FYB1: variants seen among roughly 807,000 people sequenced by gnomAD.
The protein encoded by FYB1 is FYN binding protein 1, also known as FYN-binding protein 1.
Under a neutral mutation model 94.1 loss-of-function variants are expected in FYB1, and 41 were observed. The observed-to-expected ratio is 0.44, with a 90% confidence interval of 0.34 to 0.57. FYB1 has a LOEUF of 0.57. Ranked by LOEUF, FYB1 falls within the 20% of genes least tolerant of loss-of-function variation. The probability of loss-of-function intolerance (pLI) is 0.02; values close to 1 mark genes in which losing one functional copy is unlikely to be tolerated. For missense variants in FYB1, 1,050 were observed against 976.8 expected, an observed-to-expected ratio of 1.07 and a Z score of -1.00; for synonymous variants, 367 against 353.2, an observed-to-expected ratio of 1.04 and a Z score of -0.44.
At chr5:39,182,057 A>G (rs2150426713) in intron 2 of FYB1, among the ~76,000 whole-genome samples, 1 of 152,152 alleles carries the variant, frequency 6.6e-6, no homozygotes, top group African/African-American at 2.4e-5. Context: ...CTTCCCAAAC[A>G]TCAAAACCTC....
chr5:39,204,085 C>T (rs1748621994), intron 1 of FYB1, among the ~76,000 whole-genome samples: 1 of 152,178 alleles, frequency 6.6e-6, no homozygotes, highest in Non-Finnish European at 1.5e-5. Context: ...TCATCCCCCA[C>T]CTTTCATTGC....
intron 2 of FYB1, among the ~76,000 whole-genome samples, chr5:39,187,633 G>A (rs1436136017): frequency 6.6e-6 from 1 of 152,174 alleles, no homozygotes. Context: ...TGGGCAGGTG[G>A]GAAGGGGTAT....
intron 2 of FYB1, among the ~76,000 whole-genome samples, chr5:39,163,423 A>C (rs546699492): frequency 5.3e-5 from 8 of 152,346 alleles, no homozygotes; most frequent in African/African-American, 1.9e-4. Context: ...GAAGAGGTAG[A>C]GATCAAAACA....
At chr5:39,218,047 A>C (rs1450427287) in intron 1 of FYB1, among the ~76,000 whole-genome samples, 1 of 152,222 alleles carries the variant, frequency 6.6e-6, no homozygotes, top group Non-Finnish European at 1.5e-5. Flanking sequence ...GCGAGCTTCC[A>C]AGCCTCTGGA....
At chr5:39,226,976 T>TATATATGAGGCAAAA (rs1385384494) in intron 1 of FYB1, among the ~76,000 whole-genome samples, 12 of 152,326 alleles carry the variant, frequency 7.9e-5, no homozygotes, top group African/African-American at 2.9e-4. Flanking sequence ...AAAGCTATAT[T>TATATATGAGGCAAAA]GACTACACAT....
intron 2 of FYB1, chr5:39,170,273 C>T (rs1745130540): frequency 7.4e-7 from 1 of 1,343,290 alleles, no homozygotes; most frequent in Non-Finnish European, 1.0e-6. Context: ...GTTGCAGCCC[C>T]TTGATCAACT....
chr5:39,250,835 C>T (rs546074221), intron 1 of FYB1: 1 of 152,068 alleles, frequency 6.6e-6, no homozygotes, highest in East Asian at 1.9e-4. Flanking sequence ...ATTCTGATTT[C>T]AGGATAAGGA....
intron 2 of FYB1, among the ~76,000 whole-genome samples, chr5:39,161,456 G>A (rs1008044418): frequency 1.3e-5 from 2 of 152,142 alleles, no homozygotes; most frequent in Admixed American, 6.5e-5. Context: ...AGTTTCTTAG[G>A]TATATTTCAA....
intron 9 of FYB1, among the ~76,000 whole-genome samples, chr5:39,132,357 G>T (rs6887349): frequency 0.16 from 23,738 of 152,126 alleles, 3,073 homozygotes; most frequent in East Asian, 0.4. Context: ...ATCTCTGCCC[G>T]CAGCAGCTGC....
chr5:39,172,144 C>G (rs1158966973), intron 2 of FYB1, among the ~76,000 whole-genome samples: 1 of 152,102 alleles, frequency 6.6e-6, no homozygotes, highest in Non-Finnish European at 1.5e-5. Flanking sequence ...GATAGAATCC[C>G]TTTTTAAAAA....
At chr5:39,219,597 G>A (rs1040989127), upstream of FYB1, 28 of 985,024 alleles carry the variant, frequency 2.8e-5, no homozygotes, top group Admixed American at 4.3e-4. Context: ...GTTTTGTCCC[G>A]GTCAGTGGTT....
chr5:39,211,923 G>T (rs1338177132), intron 1 of FYB1, among the ~76,000 whole-genome samples: 1 of 152,144 alleles, frequency 6.6e-6, no homozygotes, highest in East Asian at 1.9e-4. Context: ...TATCTGTGGG[G>T]TTTTCTAGAG....
chr5:39,219,383 T>A, intron 1 of FYB1, 60 bp downstream of exon 1: 1 of 969,332 alleles, frequency 1.0e-6, no homozygotes, highest in South Asian at 4.8e-5. Flanking sequence ...GTGGTGCTTT[T>A]TTCCTGCTAT....
At position 39,137,737 on chromosome 5, in the gene FYB1, T is replaced by C. The variant is rs1487296687; in HGVS notation, c.1395-17A>G. 6.4e-7 allele frequency: 1 copy of C among 1,550,598 alleles called. No homozygotes were observed. The highest frequency in any genetic ancestry group is 2.0e-5 in the Admixed American group (1 of 50,980). ...GATGCTTCTCTGTGAGTAAAAATTG[T>C]TAGGTTGTTTTCACATCTGCAGGTG... On this transcript the variant is annotated splice_polypyrimidine_tract_variant and intron_variant, in intron 6 of 18. Transcript: ENST00000512982.
At position 39,238,261 on chromosome 5, in the gene FYB1, CTG is replaced by C. The variant is rs573852052; in HGVS notation, c.-27-35276_-27-35275del. On this transcript the variant is annotated intron_variant, in intron 1 of 1. Transcript: ENST00000510188. ...ATATTATATACATCCTATAATATATCTGTGTGTGTGTGTATGTACGTGTATGT... is the reference window on the plus strand; with the variant it reads ...ATATTATATACATCCTATAATATATCTGTGTGTGTGTATGTACGTGTATGT... 5.9e-3 allele frequency among the ~76,000 whole-genome samples: 888 copies of C among 151,436 alleles called. 3 individuals carry two copies. The highest frequency in any genetic ancestry group is 9.3e-3 in the Non-Finnish European group (629 of 67,772).
At chr5:39,205,724 T>C (rs1748785173) in intron 1 of FYB1, among the ~76,000 whole-genome samples, 1 of 152,186 alleles carries the variant, frequency 6.6e-6, no homozygotes, top group Non-Finnish European at 1.5e-5. Context: ...CAGTGCAATG[T>C]CAAAGTTAAT....
intron 2 of FYB1, among the ~76,000 whole-genome samples, chr5:39,172,425 G>T (rs1041971389): frequency 9.4e-5 from 14 of 149,648 alleles, no homozygotes; most frequent in African/African-American, 3.4e-4. Flanking sequence ...TAGGATGGGC[G>T]ACAGAGCAAG....
intron 2 of FYB1, among the ~76,000 whole-genome samples, chr5:39,163,606 A>G (rs1410294475): frequency 1.3e-5 from 2 of 152,232 alleles, no homozygotes; most frequent in Non-Finnish European, 2.9e-5. Context: ...GTAATCATGA[A>G]AGGTAAATTG....
At chr5:39,188,540 C>CTTTTTTTTT (rs35086739) in intron 2 of FYB1, among the ~76,000 whole-genome samples, 2 of 69,620 alleles carry the variant, frequency 2.9e-5, no homozygotes, top group Non-Finnish European at 5.2e-5. Context: ...AACTACAGCA[C>CTTTTTTTTT]TTTTTTTTTT....
Sources: allele counts gnomAD v4.1 joint callset (sites outside exome capture counted in the v4.1 genomes callset), GRCh38; gene constraint gnomAD v4.1.1; transcripts MANE v1.5; gene names NCBI Gene and HGNC (gene_info 2026-07-23, HGNC 2026-07-21).